IPO11: variants seen among roughly 807,000 people sequenced by gnomAD.
IPO11 encodes importin 11, also known as importin-11.
Under a neutral mutation model 143.2 loss-of-function variants are expected in IPO11, and 66 were observed. The observed-to-expected ratio is 0.46, with a 90% CI of 0.38 to 0.57. The LOEUF (loss-of-function observed/expected upper bound fraction) is 0.57. Ranked by LOEUF, IPO11 falls within the 20% of genes least tolerant of loss-of-function variation. The probability of loss-of-function intolerance (pLI) is 0.00; values close to 1 mark genes in which losing one functional copy is unlikely to be tolerated. For synonymous variants in IPO11, 385 were observed against 377.8 expected, an observed-to-expected ratio of 1.02 and a Z score of -0.22; for missense variants, 1,026 against 1,141.0, an observed-to-expected ratio of 0.90 and a Z score of 1.45.
At chr5:62,546,023 T>C (rs1743162449) in intron 24 of IPO11, among the ~76,000 whole-genome samples, 1 of 152,164 alleles carries the variant, frequency 6.6e-6, no homozygotes, top group Non-Finnish European at 1.5e-5. Flanking sequence ...GTTCAACCAT[T>C]GTGGAAGACA....
chr5:62,465,197 G>A (rs1580210532), intron 5 of IPO11, among the ~76,000 whole-genome samples: 1 of 152,172 alleles, frequency 6.6e-6, no homozygotes, highest in Non-Finnish European at 1.5e-5. Context: ...CCTTCTGTTC[G>A]TATTCTTTCA....
chr5:62,516,117 A>G (rs1482664561), intron 20 of IPO11, among the ~76,000 whole-genome samples: 1 of 152,212 alleles, frequency 6.6e-6, no homozygotes, highest in African/African-American at 2.4e-5. Flanking sequence ...AAGTGATTTT[A>G]CTGACTTCAC....
At chr5:62,475,776 G>A (rs533611197) in intron 8 of IPO11, among the ~76,000 whole-genome samples, 2 of 152,132 alleles carry the variant, frequency 1.3e-5, no homozygotes, top group Non-Finnish European at 2.9e-5. Flanking sequence ...AGCATCCTTT[G>A]TTATTCACTA....
intron 29 of IPO11, among the ~76,000 whole-genome samples, chr5:62,603,639 C>T (rs918672694): frequency 6.6e-6 from 1 of 152,198 alleles, no homozygotes; most frequent in Admixed American, 6.5e-5. Flanking sequence ...TTAAACACGC[C>T]AGTTCACCTA....
At chr5:62,593,046 T>C (rs931737986) in intron 28 of IPO11, among the ~76,000 whole-genome samples, 2 of 152,200 alleles carry the variant, frequency 1.3e-5, no homozygotes, top group African/African-American at 4.8e-5. Flanking sequence ...CTTTGGAGTA[T>C]ACAGTTTAGT....
chr5:62,572,294 A>G (rs368462505), intron 27 of IPO11, among the ~76,000 whole-genome samples: 1 of 152,360 alleles, frequency 6.6e-6, no homozygotes, highest in African/African-American at 2.4e-5. Context: ...TAAGTTGTTC[A>G]TAAAAGGGAC....
At chr5:62,571,999 T>C (rs1378449989) in intron 27 of IPO11, among the ~76,000 whole-genome samples, 2 of 152,190 alleles carry the variant, frequency 1.3e-5, no homozygotes, top group African/African-American at 2.4e-5. Context: ...TTAAACCTTT[T>C]AAATGTGTAA....
At chr5:62,522,467 TG>T (rs931875537) in intron 20 of IPO11, among the ~76,000 whole-genome samples, 94 of 152,206 alleles carry the variant, frequency 6.2e-4, no homozygotes, top group African/African-American at 2.2e-3. Flanking sequence ...GTATATTTAG[TG>T]GAGACAGTGT....
intron 28 of IPO11, among the ~76,000 whole-genome samples, chr5:62,593,034 C>A (rs1186827970): frequency 6.6e-6 from 1 of 152,142 alleles, no homozygotes; most frequent in Non-Finnish European, 1.5e-5. Flanking sequence ...TTCCTTTGTC[C>A]TCTTTGGAGT....
intron 1 of IPO11, among the ~76,000 whole-genome samples, chr5:62,416,182 C>CTTTTTTT (rs869236693): frequency 5.7e-5 from 7 of 123,502 alleles, no homozygotes; most frequent in East Asian, 2.4e-4. Context: ...TTTTTCTTTT[C>CTTTTTTT]TTTTTTTTTT....
chr5:62,483,177 A>C lies in IPO11; in HGVS notation c.905A>C (p.Tyr302Ser), dbSNP rs954847590. The change falls in exon 10 of 30, where the codon TAT becomes TCT. Residue 302 changes from tyrosine to serine, a missense_variant. By Grantham distance (144) the Tyr-to-Ser change is moderately radical. Coordinates refer to ENST00000325324, the MANE Select transcript of IPO11 (RefSeq NM_016338.5). ...IQRSLEFSVS[Y>S]VFTEVGEGVT... ...AGATCACTGGAATTTTCTGTAAGCTATGTTTTTACAGAAGTTGGTGAAGGC... is the reference window on the plus strand; with the variant it reads ...AGATCACTGGAATTTTCTGTAAGCTCTGTTTTTACAGAAGTTGGTGAAGGC... The C allele has an allele frequency of 1.9e-6, 3 of 1,607,980 alleles. No individual in the cohort carries two copies. The highest frequency in any genetic ancestry group is 2.6e-6 in the Non-Finnish European group (3 of 1,175,144).
intron 1 of IPO11, among the ~76,000 whole-genome samples, chr5:62,420,581 T>C: frequency 7.2e-6 from 1 of 138,546 alleles, no homozygotes; most frequent in African/African-American, 2.7e-5. Context: ...TGACTGAAAC[T>C]TTTTTTTTTT....
At chr5:62,530,172 A>G (rs367933915) in intron 21 of IPO11, among the ~76,000 whole-genome samples, 14 of 152,336 alleles carry the variant, frequency 9.2e-5, no homozygotes, top group African/African-American at 3.4e-4. Flanking sequence ...ACCAATCTGT[A>G]ATAGTTATGC....
intron 29 of IPO11, among the ~76,000 whole-genome samples, chr5:62,610,341 T>C (rs1745883264): frequency 6.6e-6 from 1 of 152,192 alleles, no homozygotes; most frequent in South Asian, 2.1e-4. Context: ...TGTAGATAGA[T>C]AATAGGAAAA....
chr5:62,491,391 C>G (rs934789229), intron 15 of IPO11, among the ~76,000 whole-genome samples: 32 of 152,026 alleles, frequency 2.1e-4, no homozygotes, highest in African/African-American at 6.5e-4. Flanking sequence ...AGCTAGTGAG[C>G]CTTTGATGGA....
chr5:62,443,324 A>T (rs746628177), intron 3 of IPO11: 1 of 381,706 alleles, frequency 2.6e-6, no homozygotes, highest in Non-Finnish European at 4.6e-6. Context: ...TAAGTGTTCT[A>T]TTTAGGTAAT....
intron 9 of IPO11, among the ~76,000 whole-genome samples, chr5:62,479,112 G>T (rs1252623621): frequency 6.6e-6 from 1 of 152,106 alleles, no homozygotes; most frequent in Non-Finnish European, 1.5e-5. Flanking sequence ...GCAGGCCCCG[G>T]TGTGTGATGT....
chr5:62,526,899 A>G (rs558060638), intron 21 of IPO11, among the ~76,000 whole-genome samples: 2 of 152,258 alleles, frequency 1.3e-5, no homozygotes, highest in Non-Finnish European at 2.9e-5. Flanking sequence ...TTGTAAATTG[A>G]TAGTGCAGTT....
intron 26 of IPO11, among the ~76,000 whole-genome samples, chr5:62,555,864 A>C (rs1267224850): frequency 2.6e-5 from 4 of 152,134 alleles, no homozygotes; most frequent in Non-Finnish European, 5.9e-5. Context: ...TGCCTAGGCT[A>C]GTCTTGAACT....
Sources: allele counts gnomAD v4.1 joint callset (sites outside exome capture counted in the v4.1 genomes callset), GRCh38; gene constraint gnomAD v4.1.1; transcripts MANE v1.5; gene names NCBI Gene and HGNC (gene_info 2026-07-23, HGNC 2026-07-21).